The following AXL variants were observed in gnomAD, a reference collection of about 807,000 sequenced individuals.
AXL encodes AXL receptor tyrosine kinase.
AXL carries 52 observed loss-of-function variants against 104.5 expected under a neutral mutation model. That is an observed-to-expected ratio of 0.50 (90% CI 0.40 to 0.63). The LOEUF is 0.63. AXL is among the 20% of genes least tolerant of loss of function. The pLI, the probability that AXL is intolerant of heterozygous loss-of-function variation, is 0.00. For synonymous variants in AXL, 455 were observed against 473.7 expected, an observed-to-expected ratio of 0.96 and a Z score of 0.51; for missense variants, 1,024 against 1,188.5, an observed-to-expected ratio of 0.86 and a Z score of 2.04.
intron 4 of AXL, 128 bp from the exon 5 acceptor site, chr19:41,230,839 C>A: frequency 2.2e-6 from 2 of 916,064 alleles, no homozygotes; most frequent in Non-Finnish European, 3.5e-6. Flanking sequence ...ACCCTCCCTT[C>A]AGGCAAGTGC....
At chr19:41,232,811 C>T (rs73043294) in intron 6 of AXL, among the ~76,000 whole-genome samples, 19,968 of 151,698 alleles carry the variant, frequency 0.13, 2,107 homozygotes, top group South Asian at 0.31. Context: ...ACTGAGTGTC[C>T]GCTGTGCACC....
intron 6 of AXL, among the ~76,000 whole-genome samples, chr19:41,232,837 G>T (rs557232302): frequency 6.6e-6 from 1 of 152,022 alleles, no homozygotes. Flanking sequence ...TTGCATTAAC[G>T]CACACCTGCT....
intron 1 of AXL, 70 bp from the exon 2 acceptor site, chr19:41,220,566 G>A: frequency 7.2e-7 from 1 of 1,388,894 alleles, no homozygotes; most frequent in Non-Finnish European, 9.8e-7. Context: ...GGCAGGCAAG[G>A]ACAGGGTGGA....
intron 8 of AXL, 93 bp from the exon 9 acceptor site, chr19:41,239,071 T>C (rs2122236795): frequency 6.8e-7 from 1 of 1,464,736 alleles, no homozygotes; most frequent in Non-Finnish European, 9.3e-7. Flanking sequence ...GGGGAGAGCG[T>C]TTTGAGAAAG....
chr19:41,222,342 A>C (rs549701657), intron 4 of AXL, among the ~76,000 whole-genome samples: 7 of 150,964 alleles, frequency 4.6e-5, no homozygotes, highest in African/African-American at 1.7e-4. Flanking sequence ...CTCTCCCTCC[A>C]TTCACCCCGG....
intron 14 of AXL, among the ~76,000 whole-genome samples, chr19:41,249,434 G>A (rs1273151007): frequency 6.6e-6 from 1 of 151,916 alleles, no homozygotes; most frequent in Non-Finnish European, 1.5e-5. Context: ...CAATCTGGGT[G>A]ACAGAGTGAG....
intron 17 of AXL, among the ~76,000 whole-genome samples, chr19:41,255,087 A>G (rs1373767638): frequency 6.6e-6 from 1 of 152,176 alleles, no homozygotes; most frequent in Admixed American, 6.6e-5. Flanking sequence ...GCCAAGTGGT[A>G]CCCACTATCC....
intron 6 of AXL, among the ~76,000 whole-genome samples, chr19:41,232,365 T>C (rs754045208): frequency 6.6e-6 from 1 of 152,212 alleles, no homozygotes; most frequent in Non-Finnish European, 1.5e-5. Context: ...CTTACACCTG[T>C]AACCCCAGCA....
intron 4 of AXL, among the ~76,000 whole-genome samples, chr19:41,228,528 T>G (rs538213765): frequency 6.6e-6 from 1 of 152,222 alleles, no homozygotes; most frequent in South Asian, 2.1e-4. Context: ...CACTTTAGCC[T>G]GGGCAACAGA....
intron 14 of AXL, 50 bp from the exon 15 acceptor site, chr19:41,252,301 A>G (rs774852548): frequency 8.4e-6 from 12 of 1,422,042 alleles, no homozygotes; most frequent in Admixed American, 3.4e-5. Flanking sequence ...GTGGAGGGAG[A>G]GTCCTCCCTC....
At chr19:41,239,530 T>A (rs893251553) in intron 9 of AXL, among the ~76,000 whole-genome samples, 164 bp from the exon 10 acceptor site, 2 of 151,870 alleles carry the variant, frequency 1.3e-5, no homozygotes, top group Non-Finnish European at 2.9e-5. Context: ...CTCACTCCCT[T>A]ACCCGTGCCA....
chr19:41,254,529 A>G (rs2034423644), intron 17 of AXL, among the ~76,000 whole-genome samples: 1 of 152,048 alleles, frequency 6.6e-6, no homozygotes, highest in African/African-American at 2.4e-5. Flanking sequence ...TCAAAAAAAA[A>G]GAAAAAAAGA....
At chr19:41,253,027 G>T in intron 16 of AXL, 60 bp downstream of exon 16, 1 of 1,580,926 alleles carries the variant, frequency 6.3e-7, no homozygotes, top group Non-Finnish European at 8.6e-7. Flanking sequence ...CAGGTACCCA[G>T]TGCTGCTCAG....
chr19:41,221,760 G>A (rs2033794822), intron 3 of AXL, 120 bp from the exon 4 acceptor site: 1 of 1,101,720 alleles, frequency 9.1e-7, no homozygotes, highest in Non-Finnish European at 1.3e-6. Context: ...GATCAGATAA[G>A]GCAAGTCAAT....
chr19:41,239,125 G>A (rs566859038), intron 8 of AXL, 39 bp from the exon 9 acceptor site: 5 of 1,609,868 alleles, frequency 3.1e-6, no homozygotes, highest in East Asian at 2.2e-5. Flanking sequence ...ACAGCTGGGG[G>A]GTAAGGTTCT....
chr19:41,254,961 G>A (rs1483911832), intron 17 of AXL, among the ~76,000 whole-genome samples: 1 of 152,156 alleles, frequency 6.6e-6, no homozygotes, highest in African/African-American at 2.4e-5. Flanking sequence ...TACACATGCA[G>A]CTCAGCTCGA....
intron 3 of AXL, chr19:41,221,567 C>T (rs1355446608): frequency 1.4e-5 from 7 of 496,496 alleles, no homozygotes; most frequent in Non-Finnish European, 2.1e-5. Flanking sequence ...AGGCACGCAA[C>T]GTACCCCTGT....
chr19:41,238,006 C>T lies in AXL; in HGVS notation c.846C>T (p.Pro282=). The change falls in exon 7 of 20, where the codon CCC becomes CCT. Residue 282 remains proline, a synonymous_variant. Coordinates refer to ENST00000301178, the MANE Select transcript of AXL (RefSeq NM_021913.5). ...GAGAACCAGACCCCCCAGAGGAGCC[C>T]CTCACCTCGCAAGCATCCGTGCCCC... ...QAGEPDPPEE[P]LTSQASVPPH... is the part of the protein sequence containing the mutation. 2 of 1,613,892 alleles carry T rather than the reference C, an allele frequency of 1.2e-6. No individual in the cohort carries two copies. Among genetic ancestry groups the T allele is most frequent in the Non-Finnish European group, 1.7e-6 (2 of 1,179,960 alleles).
At chr19:41,235,625 A>G (rs537350984) in intron 6 of AXL, among the ~76,000 whole-genome samples, 4 of 152,234 alleles carry the variant, frequency 2.6e-5, no homozygotes, top group East Asian at 1.9e-4. Context: ...GACAAGAGGT[A>G]TTGTTACCAT....
Sources: allele counts gnomAD v4.1 joint callset (sites outside exome capture counted in the v4.1 genomes callset), GRCh38; gene constraint gnomAD v4.1.1; transcripts MANE v1.5; gene names NCBI Gene and HGNC (gene_info 2026-07-23, HGNC 2026-07-21).